Variants in RSRC1 observed in about 807,000 individuals in gnomAD.
RSRC1 encodes the protein arginine and serine rich coiled-coil 1.
RSRC1 carries 39 observed loss-of-function variants against 49.1 expected under a neutral mutation model. The ratio of observed to expected loss-of-function variants is 0.79; its 90% CI spans 0.61 to 1.04. The LOEUF (loss-of-function observed/expected upper bound fraction) is 1.04. Ranked by LOEUF, RSRC1 falls within the 50% of genes least tolerant of loss-of-function variation. The pLI is 0.00. For synonymous variants in RSRC1, 143 were observed against 130.8 expected, an observed-to-expected ratio of 1.09 and a Z score of -0.63; for missense variants, 388 against 402.4, an observed-to-expected ratio of 0.96 and a Z score of 0.31.
intron 5 of RSRC1, among the ~76,000 whole-genome samples, chr3:158,341,146 T>A (rs1447196646): frequency 1.3e-5 from 2 of 152,092 alleles, no homozygotes; most frequent in East Asian, 3.9e-4. Flanking sequence ...ATTTGCAGCC[T>A]GACTACGCAA....
At chr3:158,405,233 G>C (rs1297709475) in intron 6 of RSRC1, among the ~76,000 whole-genome samples, 2 of 151,922 alleles carry the variant, frequency 1.3e-5, no homozygotes, top group Non-Finnish European at 2.9e-5. Flanking sequence ...AATTAATGCA[G>C]TTATCATGTT....
chr3:158,145,606 G>C (rs1717042456), intron 3 of RSRC1, among the ~76,000 whole-genome samples: 1 of 152,154 alleles, frequency 6.6e-6, no homozygotes, highest in Non-Finnish European at 1.5e-5. Flanking sequence ...GATTGACTTG[G>C]CAATGCGGGC....
At chr3:158,429,683 G>A (rs1426168861) in intron 6 of RSRC1, among the ~76,000 whole-genome samples, 1 of 151,064 alleles carries the variant, frequency 6.6e-6, no homozygotes, top group African/African-American at 2.4e-5. Flanking sequence ...AAATACAATA[G>A]AATAGTATCC....
At chr3:158,200,056 G>C (rs1190723173) in intron 3 of RSRC1, among the ~76,000 whole-genome samples, 12 of 150,348 alleles carry the variant, frequency 8.0e-5, no homozygotes, top group Non-Finnish European at 1.3e-4. Flanking sequence ...CTTTTTTTTT[G>C]AGACGGAGTC....
chr3:158,235,087 A>G (rs1009747608), intron 4 of RSRC1, among the ~76,000 whole-genome samples: 2 of 152,172 alleles, frequency 1.3e-5, no homozygotes, highest in African/African-American at 2.4e-5. Context: ...ACATAATATA[A>G]TAGCCACCAC....
chr3:158,502,925 G>A (rs1404711682), intron 7 of RSRC1, among the ~76,000 whole-genome samples: 1 of 152,058 alleles, frequency 6.6e-6, no homozygotes, highest in African/African-American at 2.4e-5. Flanking sequence ...TGTGATTTTT[G>A]GGGGTTGTCA....
intron 3 of RSRC1, among the ~76,000 whole-genome samples, chr3:158,128,402 G>A (rs1185392357): frequency 1.3e-5 from 2 of 152,088 alleles, no homozygotes; most frequent in Non-Finnish European, 1.5e-5. Flanking sequence ...TAGGTATTTT[G>A]GTTTGTATAT....
intron 6 of RSRC1, among the ~76,000 whole-genome samples, chr3:158,439,833 A>T (rs1736280194): frequency 6.6e-6 from 1 of 151,770 alleles, no homozygotes; most frequent in Non-Finnish European, 1.5e-5. Flanking sequence ...AAAATAATAA[A>T]AAAAGGTTAC....
At chr3:158,144,584 G>A (rs576824401) in intron 3 of RSRC1, among the ~76,000 whole-genome samples, 23 of 152,180 alleles carry the variant, frequency 1.5e-4, no homozygotes, top group Admixed American at 5.9e-4. Flanking sequence ...GAATAGTGCC[G>A]CAGTAAACAT....
At chr3:158,325,268 A>G (rs1022809267) in intron 5 of RSRC1, among the ~76,000 whole-genome samples, 5 of 152,114 alleles carry the variant, frequency 3.3e-5, no homozygotes, top group Non-Finnish European at 5.9e-5. Context: ...TTCTGTTGCC[A>G]TTGCTTTTGG....
intron 9 of RSRC1, among the ~76,000 whole-genome samples, 182 bp from the exon 10 acceptor site, chr3:158,544,001 A>G (rs1713187793): frequency 6.6e-6 from 1 of 152,196 alleles, no homozygotes; most frequent in South Asian, 2.1e-4. Flanking sequence ...TTTTACTCCA[A>G]GAATTTCTGA....
chr3:158,253,168 G>A (rs538178645), intron 4 of RSRC1, among the ~76,000 whole-genome samples: 29 of 151,928 alleles, frequency 1.9e-4, no homozygotes, highest in Non-Finnish European at 3.4e-4. Context: ...TCGCTGGCTT[G>A]TTAAAGCTTT....
intron 6 of RSRC1, among the ~76,000 whole-genome samples, chr3:158,439,006 T>C (rs1222251863): frequency 1.3e-5 from 2 of 152,170 alleles, no homozygotes; most frequent in Non-Finnish European, 1.5e-5. Context: ...GGGCGAAGGA[T>C]ATGAAGAGGC....
chr3:158,515,786 C>A (rs1740487469), intron 7 of RSRC1, among the ~76,000 whole-genome samples: 1 of 152,010 alleles, frequency 6.6e-6, no homozygotes, highest in South Asian at 2.1e-4. Flanking sequence ...TTCTTGGAGG[C>A]TTTGCTCGTT....
rs1553814781 is a variant in RSRC1 at position 158,487,949 on chromosome 3, G to GGAAA, written c.652+26946_652+26947insGAAA. The stretch of plus-strand genomic sequence containing the variant: ...TAGGAGACAAGAGACTCCATCTCAA[G>GGAAA]AAAAAAAAAAAAAAAAAAAAAAAAA... On this transcript the variant is annotated intron_variant, in intron 7 of 9. Coordinates refer to ENST00000611884, the MANE Select transcript of RSRC1 (RefSeq NM_001271838.2). 5.2e-3 allele frequency among the ~76,000 whole-genome samples: 151 copies of GGAAA among 28,932 alleles called. 10 individuals are homozygous for GGAAA. Among genetic ancestry groups the GGAAA allele is most frequent in the Non-Finnish European group, 6.2e-3 (102 of 16,536 alleles). The allele number at this position is 28,932 out of a possible 152,430, so 19.0% of individuals were successfully genotyped here. A position where few individuals can be genotyped will look rare whatever the true frequency, so the allele number is the denominator to read the frequency against.
chr3:158,229,059 T>C (rs530241653), intron 4 of RSRC1, among the ~76,000 whole-genome samples: 3 of 124,658 alleles, frequency 2.4e-5, no homozygotes, highest in Non-Finnish European at 3.5e-5. Flanking sequence ...CGTGTATATG[T>C]GTGTATAAAC....
intron 7 of RSRC1, among the ~76,000 whole-genome samples, chr3:158,475,847 G>C (rs1041434734): frequency 1.3e-5 from 2 of 152,032 alleles, no homozygotes; most frequent in Middle Eastern, 3.2e-3. Context: ...AGGAAGAGTT[G>C]CATGTCCCTC....
intron 6 of RSRC1, among the ~76,000 whole-genome samples, chr3:158,445,530 G>C (rs1319762684): frequency 6.6e-6 from 1 of 152,088 alleles, no homozygotes; most frequent in Non-Finnish European, 1.5e-5. Context: ...GGGAGGGACA[G>C]CATTAGGAGA....
chr3:158,112,678 G>A (rs1714491887), intron 1 of RSRC1, among the ~76,000 whole-genome samples: 1 of 152,082 alleles, frequency 6.6e-6, no homozygotes, highest in South Asian at 2.1e-4. Context: ...TTTAAGTTCT[G>A]GGGTACATGT....
Sources: gnomAD v4.1 joint callset for allele counts (sites outside exome capture counted in the v4.1 genomes callset) on GRCh38, gnomAD v4.1.1 for gene constraint, MANE v1.5 for transcripts, NCBI Gene and HGNC (gene_info 2026-07-23, HGNC 2026-07-21) for gene names.